The following SLC39A9 variants were observed in gnomAD, a reference collection of about 807,000 sequenced individuals.
The protein encoded by SLC39A9 is zinc transporter ZIP9.
A neutral mutation model predicts 28.4 loss-of-function variants in SLC39A9; 14 were observed. The observed-to-expected ratio is 0.49, with a 90% confidence interval of 0.33 to 0.77. The LOEUF (loss-of-function observed/expected upper bound fraction) is 0.77. SLC39A9 is among the 30% of genes least tolerant of loss of function. The pLI is 0.02. For synonymous variants in SLC39A9, 119 were observed against 149.6 expected, an observed-to-expected ratio of 0.80 and a Z score of 1.49; for missense variants, 283 against 381.1, an observed-to-expected ratio of 0.74 and a Z score of 2.14.
At chr14:69,403,817 G>A (rs1882766564) in intron 1 of SLC39A9, among the ~76,000 whole-genome samples, 1 of 152,140 alleles carries the variant, frequency 6.6e-6, no homozygotes, top group Non-Finnish European at 1.5e-5. Flanking sequence ...GCCGAGGCAG[G>A]CGAATCATCT....
intron 1 of SLC39A9, among the ~76,000 whole-genome samples, chr14:69,406,648 A>G (rs1566906381): frequency 6.7e-6 from 1 of 150,318 alleles, no homozygotes; most frequent in Non-Finnish European, 1.5e-5. Context: ...AGATTGTACC[A>G]TGGCACTCCA....
At chr14:69,455,178 CT>C (rs1161948656) in intron 5 of SLC39A9, among the ~76,000 whole-genome samples, 3 of 151,998 alleles carry the variant, frequency 2.0e-5, no homozygotes, top group African/African-American at 7.2e-5. Flanking sequence ...AAGTATTTTT[CT>C]TTTCTTGACT....
chr14:69,433,337 A>G (rs1443253130), intron 2 of SLC39A9, among the ~76,000 whole-genome samples: 4 of 152,156 alleles, frequency 2.6e-5, no homozygotes, highest in African/African-American at 9.7e-5. Context: ...GATTCAATTT[A>G]CTAATATTTT....
At chr14:69,424,027 A>T (rs1026824849) in intron 1 of SLC39A9, 67 bp from the exon 2 acceptor site, 1 of 1,157,718 alleles carries the variant, frequency 8.6e-7, no homozygotes, top group Non-Finnish European at 1.3e-6. Context: ...TTGATTACAG[A>T]TACTTGAGAA....
chr14:69,433,152 C>T (rs2140285766), intron 2 of SLC39A9, among the ~76,000 whole-genome samples: 1 of 152,148 alleles, frequency 6.6e-6, no homozygotes, highest in East Asian at 1.9e-4. Flanking sequence ...AAGGAAGTTC[C>T]ATTCTGTTCC....
chr14:69,413,123 G>A (rs982065157), intron 1 of SLC39A9, among the ~76,000 whole-genome samples: 1 of 152,130 alleles, frequency 6.6e-6, no homozygotes, highest in Non-Finnish European at 1.5e-5. Flanking sequence ...TTGGGAGGCC[G>A]AGGCAGGCAG....
intron 2 of SLC39A9, among the ~76,000 whole-genome samples, chr14:69,426,145 G>A (rs774570301): frequency 1.1e-4 from 17 of 152,270 alleles, no homozygotes; most frequent in Non-Finnish European, 2.2e-4. Flanking sequence ...CACCAGCCAG[G>A]TGTCCTCCAA....
chr14:69,407,207 T>C (rs1291982661), intron 1 of SLC39A9, among the ~76,000 whole-genome samples: 1 of 152,144 alleles, frequency 6.6e-6, no homozygotes, highest in Non-Finnish European at 1.5e-5. Context: ...GGGTAACTAA[T>C]AGATAATTAC....
At chr14:69,434,459 C>T (rs1335378331) in intron 2 of SLC39A9, among the ~76,000 whole-genome samples, 1 of 151,806 alleles carries the variant, frequency 6.6e-6, no homozygotes, top group Non-Finnish European at 1.5e-5. Context: ...GCTAAGGCAG[C>T]TGGATAACTT....
At chr14:69,426,538 C>T (rs1422446127) in intron 2 of SLC39A9, among the ~76,000 whole-genome samples, 1 of 152,210 alleles carries the variant, frequency 6.6e-6, no homozygotes, top group Non-Finnish European at 1.5e-5. Flanking sequence ...ATGAATTCTT[C>T]ACCTTTCTAT....
chr14:69,399,539 G>A, intron 1 of SLC39A9, 74 bp downstream of exon 1: 1 of 1,178,264 alleles, frequency 8.5e-7, no homozygotes, highest in East Asian at 2.4e-5. Context: ...AAGGGAAGCT[G>A]CTTCCCTAGT....
intron 2 of SLC39A9, 78 bp downstream of exon 2, chr14:69,424,280 T>C (rs1884066370): frequency 1.6e-5 from 17 of 1,053,446 alleles, no homozygotes; most frequent in East Asian, 2.5e-5. Flanking sequence ...TGGTATGTTT[T>C]CTGAGCACAG....
At chr14:69,430,909 C>G (rs1187265337) in intron 2 of SLC39A9, among the ~76,000 whole-genome samples, 3 of 152,104 alleles carry the variant, frequency 2.0e-5, no homozygotes, top group Non-Finnish European at 4.4e-5. Context: ...TGTGAGCCAC[C>G]CCAGCCAGCC....
At chr14:69,450,150 C>G (rs1450080998) in intron 3 of SLC39A9, among the ~76,000 whole-genome samples, 1 of 151,878 alleles carries the variant, frequency 6.6e-6, no homozygotes, top group East Asian at 1.9e-4. Context: ...GATCACGCCA[C>G]TGCGCTCCAG....
chr14:69,418,166 T>A (rs1883677806), intron 1 of SLC39A9, among the ~76,000 whole-genome samples: 1 of 152,244 alleles, frequency 6.6e-6, no homozygotes, highest in Admixed American at 6.5e-5. Flanking sequence ...TGAGAGTTTT[T>A]AGCATGAAGA....
intron 2 of SLC39A9, among the ~76,000 whole-genome samples, chr14:69,425,092 A>G (rs1884115488): frequency 6.6e-6 from 1 of 151,940 alleles, no homozygotes; most frequent in African/African-American, 2.4e-5. Flanking sequence ...AAGATAGGAC[A>G]GGGGCTGAGG....
chr14:69,437,535 C>A, intron 2 of SLC39A9, among the ~76,000 whole-genome samples: 1 of 151,978 alleles, frequency 6.6e-6, no homozygotes, highest in East Asian at 1.9e-4. Flanking sequence ...TCAGATGTCT[C>A]CAACATTCCT....
chr14:69,459,886 TA>T lies in SLC39A9; in HGVS notation c.*1294del. 1.0e-6 allele frequency: 1 copy of T among 984,730 alleles called. No homozygotes were observed. The highest frequency in any genetic ancestry group is 1.2e-6 in the Non-Finnish European group (1 of 829,220). 61.0% of individuals were successfully genotyped at this position (984,730 alleles called of 1,614,324 possible). A position where few individuals can be genotyped will look rare whatever the true frequency, so the allele number is the denominator to read the frequency against. ...GTAATAATGAAGATAATAATATCTT[TA>T]TTCTTTATCCCCCTTCAAAGAAATT... On this transcript the variant is annotated 3_prime_UTR_variant, in exon 7 of 7. Coordinates refer to ENST00000336643, the MANE Select transcript of SLC39A9 (RefSeq NM_018375.5).
intron 2 of SLC39A9, among the ~76,000 whole-genome samples, chr14:69,438,246 A>G (rs7145903): frequency 0.12 from 18,560 of 151,862 alleles, 1,368 homozygotes; most frequent in Middle Eastern, 0.25. Flanking sequence ...GTCTTGAACA[A>G]CTGACCTTAG....
Sources: gnomAD v4.1 joint callset for allele counts (sites outside exome capture counted in the v4.1 genomes callset) on GRCh38, gnomAD v4.1.1 for gene constraint, MANE v1.5 for transcripts, NCBI Gene and HGNC (gene_info 2026-07-23, HGNC 2026-07-21) for gene names.